KCNQ5: variants seen among roughly 807,000 people sequenced by gnomAD.
The protein encoded by KCNQ5 is potassium voltage-gated channel subfamily Q member 5.
KCNQ5 carries 30 observed loss-of-function variants against 98.2 expected under a neutral mutation model. That is an observed-to-expected ratio of 0.31 (90% CI 0.23 to 0.41). The LOEUF is 0.41. KCNQ5 is among the 10% of genes least tolerant of loss of function. KCNQ5 has a pLI of 1.00. For synonymous variants in KCNQ5, 458 were observed against 449.4 expected (o/e 1.02, Z -0.24); for missense variants, 835 against 1,182.5 (o/e 0.71, Z 4.31).
intron 1 of KCNQ5, among the ~76,000 whole-genome samples, chr6:72,929,536 G>A (rs1765596886): frequency 6.6e-6 from 1 of 152,088 alleles, no homozygotes. Flanking sequence ...GCTTTAAACT[G>A]CAAAATTGTC....
At chr6:73,157,327 G>A (rs884957) in intron 10 of KCNQ5, among the ~76,000 whole-genome samples, 110,344 of 151,944 alleles carry the variant, frequency 0.73, 41,129 homozygotes, top group East Asian at 0.89. Flanking sequence ...GTGCAGAAAA[G>A]GGCTGAGGAA....
At chr6:72,868,825 G>A (rs749118690) in intron 1 of KCNQ5, among the ~76,000 whole-genome samples, 1 of 152,196 alleles carries the variant, frequency 6.6e-6, no homozygotes, top group Non-Finnish European at 1.5e-5. Context: ...TGAAAATAGG[G>A]ATTCAAGTAC....
At chr6:72,982,559 A>G (rs866468246) in intron 1 of KCNQ5, among the ~76,000 whole-genome samples, 2 of 124,676 alleles carry the variant, frequency 1.6e-5, no homozygotes, top group African/African-American at 3.1e-5. Context: ...TCTTGAGCCT[A>G]TGTGTGTCTC....
intron 1 of KCNQ5, among the ~76,000 whole-genome samples, chr6:72,764,798 C>T (rs1329036088): frequency 1.3e-5 from 2 of 151,918 alleles, no homozygotes; most frequent in Non-Finnish European, 2.9e-5. Context: ...AGTAACCATC[C>T]TTCTAGTCTC....
At position 73,120,492 on chromosome 6, in the gene KCNQ5, C is replaced by T. The variant is rs773773458; in HGVS notation, c.1135C>T (p.Arg379Cys). The change falls in exon 8 of 14, where the codon CGT (arginine) becomes TGT (cysteine). Residue 379 changes from arginine (R) to cysteine (C), a missense_variant. Arg to Cys is a radical substitution (Grantham distance 180). Coordinates refer to ENST00000370398, the MANE Select transcript of KCNQ5 (RefSeq NM_019842.4). ...PAANLIQCVW[R>C]SYAADEKSVS... is the part of the protein sequence containing the mutation. ...TCTATGCCACATGCAGTGTGTTTGG[C>T]GTAGTTACGCAGCTGATGAGAAATC... 8 of 1,610,946 alleles carry T rather than the reference C, an allele frequency of 5.0e-6. No individual in the cohort carries two copies. The highest frequency in any genetic ancestry group is 1.1e-5 in the South Asian group (1 of 90,568).
intron 12 of KCNQ5, among the ~76,000 whole-genome samples, chr6:73,191,796 G>A (rs1173545126): frequency 6.6e-6 from 1 of 152,180 alleles, no homozygotes; most frequent in Non-Finnish European, 1.5e-5. Flanking sequence ...AGATGTCATG[G>A]CAGGAAGTGA....
intron 1 of KCNQ5, among the ~76,000 whole-genome samples, chr6:72,723,789 A>C (rs1317310653): frequency 1.3e-5 from 2 of 152,200 alleles, no homozygotes; most frequent in African/African-American, 4.8e-5. Context: ...ATTTCAAAAA[A>C]AAAATCTATG....
At chr6:73,022,876 G>A (rs1269146981) in intron 2 of KCNQ5, among the ~76,000 whole-genome samples, 1 of 152,136 alleles carries the variant, frequency 6.6e-6, no homozygotes, top group Non-Finnish European at 1.5e-5. Flanking sequence ...TAGATGAACA[G>A]AAGCTCAAAG....
chr6:72,860,070 C>T (rs1777701677), intron 1 of KCNQ5, among the ~76,000 whole-genome samples: 2 of 152,066 alleles, frequency 1.3e-5, no homozygotes, highest in Admixed American at 6.6e-5. Flanking sequence ...GAAGACAATG[C>T]CCTCTCCTGA....
In KCNQ5 at chr6:73,041,965, G is replaced by C; in HGVS notation, c.519G>C (p.Leu173Phe). 6.2e-7 allele frequency: 1 copy of C among 1,613,902 alleles called. No individual in the cohort carries two copies. The change falls in exon 3 of 14, where the codon TTG (leucine) becomes TTC (phenylalanine). Residue 173 changes from leucine to phenylalanine, a missense_variant. By Grantham distance (22) the Leu-to-Phe change is conservative. This residue lies in a region of KCNQ5 where 48 missense variants were observed against 112.1 expected (regional missense o/e 0.43). Coordinates refer to ENST00000370398, the MANE Select transcript of KCNQ5 (RefSeq NM_019842.4). ...LEFVMIVVFG[L>F]EFIIRIWSAG... is the part of the protein sequence containing the mutation. ...TCGTGATGATTGTCGTCTTTGGTTT[G>C]GAGTTCATCATTCGAATCTGGTCTG...
intron 1 of KCNQ5, among the ~76,000 whole-genome samples, chr6:72,674,424 G>A (rs1767302455): frequency 6.6e-6 from 1 of 151,898 alleles, no homozygotes; most frequent in Non-Finnish European, 1.5e-5. Context: ...AGAACTTACT[G>A]TACCCCTAAA....
chr6:72,663,401 T>C (rs1462542097), intron 1 of KCNQ5, among the ~76,000 whole-genome samples: 1 of 152,214 alleles, frequency 6.6e-6, no homozygotes, highest in Non-Finnish European at 1.5e-5. Context: ...TTTTGCCCCC[T>C]ACAAGGTTGA....
chr6:72,878,532 G>A (rs545566716), intron 1 of KCNQ5, among the ~76,000 whole-genome samples: 14 of 152,118 alleles, frequency 9.2e-5, no homozygotes, highest in Non-Finnish European at 1.9e-4. Context: ...CCCATGACAG[G>A]GAATCAATTA....
intron 9 of KCNQ5, among the ~76,000 whole-genome samples, chr6:73,132,803 C>A (rs1776288365): frequency 6.6e-6 from 1 of 152,190 alleles, no homozygotes; most frequent in Admixed American, 6.5e-5. Context: ...TGGGGCTGTT[C>A]TATCTTGTGT....
At chr6:72,800,526 A>G (rs1774587972) in intron 1 of KCNQ5, among the ~76,000 whole-genome samples, 1 of 151,592 alleles carries the variant, frequency 6.6e-6, no homozygotes, top group Admixed American at 6.6e-5. Context: ...TTTCTTCTTT[A>G]TTAGTCTTGC....
intron 3 of KCNQ5, among the ~76,000 whole-genome samples, chr6:73,075,274 G>A (rs916835279): frequency 1.2e-4 from 18 of 149,328 alleles, no homozygotes; most frequent in Admixed American, 7.3e-4. Context: ...CTAGGCTGGA[G>A]TGCAGTGGCA....
intron 1 of KCNQ5, among the ~76,000 whole-genome samples, chr6:72,847,068 T>C (rs1777052726): frequency 6.6e-6 from 1 of 152,166 alleles, no homozygotes; most frequent in Non-Finnish European, 1.5e-5. Flanking sequence ...GATGCTTTTT[T>C]TATCCTAGAA....
chr6:72,833,781 T>TA (rs1321049303), intron 1 of KCNQ5, among the ~76,000 whole-genome samples: 2 of 152,116 alleles, frequency 1.3e-5, no homozygotes, highest in African/African-American at 4.8e-5. Flanking sequence ...GTATTTATTT[T>TA]AGAAAAACCT....
At chr6:72,639,584 G>A (rs2098926105) in intron 1 of KCNQ5, among the ~76,000 whole-genome samples, 4 of 152,200 alleles carry the variant, frequency 2.6e-5, no homozygotes, top group Non-Finnish European at 1.5e-5. Context: ...CCAGAAGAGA[G>A]GGTGATATTT....
Sources: allele counts gnomAD v4.1 joint callset (sites outside exome capture counted in the v4.1 genomes callset), GRCh38; gene constraint gnomAD v4.1.1; regional missense constraint gnomAD v4.1.1; transcripts MANE v1.5; gene names NCBI Gene and HGNC (gene_info 2026-07-23, HGNC 2026-07-21).